CD244: variants seen among roughly 807,000 people sequenced by gnomAD.
CD244 encodes natural killer cell receptor 2B4.
In CD244, 20 loss-of-function variants were observed where a neutral mutation model predicts 45.5. The ratio of observed to expected loss-of-function variants is 0.44; its 90% CI spans 0.31 to 0.64. The LOEUF (loss-of-function observed/expected upper bound fraction) is 0.64, where lower values mean the gene tolerates loss of function less well. Ranked by LOEUF, CD244 falls within the 30% of genes least tolerant of loss-of-function variation. CD244 has a pLI of 0.08. For missense variants in CD244, 407 were observed against 426.9 expected, an observed-to-expected ratio of 0.95 and a Z score of 0.41; for synonymous variants, 185 against 160.5, an observed-to-expected ratio of 1.15 and a Z score of -1.15.
At chr1:160,850,368 CTT>C (rs1314438044) in intron 1 of CD244, among the ~76,000 whole-genome samples, 2 of 152,046 alleles carry the variant, frequency 1.3e-5, no homozygotes, top group Non-Finnish European at 2.9e-5. Context: ...TATTGGAAGA[CTT>C]AATATTGCTA....
chr1:160,840,394 T>C (rs1055052945), intron 3 of CD244, among the ~76,000 whole-genome samples: 5 of 152,118 alleles, frequency 3.3e-5, no homozygotes, highest in Non-Finnish European at 7.4e-5. Flanking sequence ...CCTGAGTAGC[T>C]GAGATTACAG....
intron 3 of CD244, 29 bp from the exon 4 acceptor site, chr1:160,839,078 A>G (rs1159469297): frequency 1.3e-6 from 2 of 1,511,862 alleles, no homozygotes; most frequent in African/African-American, 2.8e-5. Flanking sequence ...GTGAGAACTG[A>G]GCTGTCAGCT....
rs529214462 is a variant in CD244, at chr1:160,832,856, A to ATATGTG, written c.961-282_961-281insCACATA. 4.7e-4 allele frequency: 148 copies of ATATGTG among 313,394 alleles called. 1 individual carries two copies. Among genetic ancestry groups the ATATGTG allele is most frequent in the Non-Finnish European group, 7.3e-4 (121 of 165,950 alleles). 19.4% of individuals were successfully genotyped at this position (313,394 alleles called of 1,614,324 possible). On this transcript the variant is annotated intron_variant, in intron 7 of 8. Coordinates refer to ENST00000368034, the MANE Select transcript of CD244 (RefSeq NM_016382.4). ...ACATACACCTAAAACCCATACACAT[A>ATATGTG]TGTGTGTGTGTGTGTATATATATAT...
intron 1 of CD244, among the ~76,000 whole-genome samples, chr1:160,861,322 T>C (rs545985976): frequency 1.3e-5 from 2 of 152,298 alleles, no homozygotes; most frequent in African/African-American, 2.4e-5. Flanking sequence ...ACCTGAGCCT[T>C]GACTGTGTCT....
At chr1:160,852,623 A>G (rs1271339652) in intron 1 of CD244, among the ~76,000 whole-genome samples, 1 of 152,190 alleles carries the variant, frequency 6.6e-6, no homozygotes, top group African/African-American at 2.4e-5. Flanking sequence ...ATTCTCATTT[A>G]TTGCTAGTGA....
intron 1 of CD244, among the ~76,000 whole-genome samples, chr1:160,861,863 A>T (rs12035537): frequency 0.26 from 38,830 of 152,016 alleles, 5,489 homozygotes; most frequent in East Asian, 0.39. Flanking sequence ...AATAAAAATT[A>T]AAAATGAAAT....
intron 3 of CD244, among the ~76,000 whole-genome samples, chr1:160,840,527 C>A (rs994476375): frequency 6.6e-6 from 1 of 152,188 alleles, no homozygotes; most frequent in African/African-American, 2.4e-5. Context: ...TCCCAAAGTG[C>A]TGGGATTACA....
At chr1:160,853,658 C>T (rs1209230832) in intron 1 of CD244, among the ~76,000 whole-genome samples, 1 of 151,958 alleles carries the variant, frequency 6.6e-6, no homozygotes, top group African/African-American at 2.4e-5. Context: ...TTGTAGATTT[C>T]CTCACTCATC....
chr1:160,854,472 T>A (rs1670033055), intron 1 of CD244, among the ~76,000 whole-genome samples: 1 of 152,020 alleles, frequency 6.6e-6, no homozygotes, highest in African/African-American at 2.4e-5. Flanking sequence ...AATCTCTGCC[T>A]CCCAGGTTCA....
intron 1 of CD244, among the ~76,000 whole-genome samples, chr1:160,842,565 C>G (rs914210935): frequency 2.0e-5 from 3 of 152,008 alleles, no homozygotes; most frequent in African/African-American, 7.3e-5. Context: ...ATGGTCAGGC[C>G]CAGGAAGACT....
At chr1:160,836,663 G>A (rs1669344713) in intron 5 of CD244, among the ~76,000 whole-genome samples, 3 of 152,146 alleles carry the variant, frequency 2.0e-5, no homozygotes, top group African/African-American at 7.2e-5. Context: ...GATCATCTTT[G>A]AGGCCACCTT....
intron 1 of CD244, among the ~76,000 whole-genome samples, chr1:160,860,132 G>A (rs188847954): frequency 1.5e-4 from 23 of 152,186 alleles, no homozygotes; most frequent in African/African-American, 5.1e-4. Flanking sequence ...ACTTGAACCC[G>A]GGGGAGCAGA....
At position 160,841,388 on chromosome 1, in the gene CD244, A is replaced by G. The variant is rs1337161005; in HGVS notation, c.477T>C (p.Asn159=). Residue 159 remains asparagine (N), a synonymous_variant, in exon 3 of 9, where the codon AAT becomes AAC. Coordinates refer to ENST00000368034, the MANE Select transcript of CD244 (RefSeq NM_016382.4). The stretch of plus-strand genomic sequence containing the variant: ...TCCCTCTGTACCAAGCATAGGACAC[A>G]TTGCCATCCCTGGAGACCAAGCAAG... The part of the protein sequence containing the change: ...ALSCLVSRDG[N]VSYAWYRGSK... 1 of 1,614,162 alleles carries G rather than the reference A, an allele frequency of 6.2e-7. No homozygotes were observed. The highest frequency in any genetic ancestry group is 8.5e-7 in the Non-Finnish European group (1 of 1,180,022).
rs562122566 is a variant in CD244 at position 160,842,865 on chromosome 1, A to C, written c.62-964T>G. The stretch of plus-strand genomic sequence containing the variant: ...AGCAATTCTGTGCAGTCAGTGTACA[A>C]AACTGGAAGTTCCTACAGCCATTTT... On this transcript the variant is annotated intron_variant, in intron 1 of 8. Coordinates refer to ENST00000368034, the MANE Select transcript of CD244 (RefSeq NM_016382.4). Among the ~76,000 whole-genome samples, 3 of 152,320 alleles carry C rather than the reference A, an allele frequency of 2.0e-5. No homozygotes were observed. In the South Asian group the frequency reaches 6.2e-4, roughly 32 times the overall value.
At chr1:160,834,947 G>A (rs7540177) in intron 6 of CD244, among the ~76,000 whole-genome samples, 6,311 of 152,168 alleles carry the variant, frequency 0.041, 472 homozygotes, top group African/African-American at 0.14. Context: ...TAGTTTGAGG[G>A]GACCTCTTTC....
intron 1 of CD244, among the ~76,000 whole-genome samples, chr1:160,859,460 T>C (rs1481150779): frequency 1.3e-5 from 2 of 152,196 alleles, no homozygotes; most frequent in African/African-American, 4.8e-5. Flanking sequence ...AACAAAGTGG[T>C]TTTTTAAATT....
intron 1 of CD244, among the ~76,000 whole-genome samples, chr1:160,851,280 G>C (rs1285084081): frequency 6.6e-6 from 1 of 152,156 alleles, no homozygotes; most frequent in Admixed American, 6.6e-5. Context: ...TCTTTCTGGT[G>C]ACCGGCCCCT....
rs1669547068 is a variant in CD244, at chr1:160,841,671, G to A, written c.292C>T (p.Gln98Ter). Residue 98 changes from glutamine (Q) to a stop codon, truncating the protein, a stop_gained, in exon 2 of 9, where the codon CAG (glutamine) becomes TAG (stop). Coordinates refer to ENST00000368034, the MANE Select transcript of CD244 (RefSeq NM_016382.4). LOFTEE classifies it high-confidence loss of function. ...CAGTAGAGGCCACTGTCCTGCTGCT[G>A]AGCTGCCTTGATGAGAAGACTCAAG... ...KNLSLLIKAA[Q>*]QQDSGLYCLE... 1 of 1,614,080 alleles carries A rather than the reference G, an allele frequency of 6.2e-7. No homozygotes were observed. The highest frequency in any genetic ancestry group is 8.5e-7 in the Non-Finnish European group (1 of 1,180,020).
chr1:160,856,717 C>T (rs1239769886), intron 1 of CD244, among the ~76,000 whole-genome samples: 1 of 152,082 alleles, frequency 6.6e-6, no homozygotes, highest in East Asian at 1.9e-4. Flanking sequence ...TTTGTTTCCC[C>T]CACAAAACCT....
Sources: allele counts gnomAD v4.1 joint callset (sites outside exome capture counted in the v4.1 genomes callset), GRCh38; gene constraint gnomAD v4.1.1; transcripts MANE v1.5; gene names NCBI Gene and HGNC (gene_info 2026-07-23, HGNC 2026-07-21).